The following ADAMTS9 variants were observed in gnomAD, a reference collection of about 807,000 sequenced individuals.
ADAMTS9 encodes ADAM metallopeptidase with thrombospondin type 1 motif 9.
Under a neutral mutation model 257.1 loss-of-function variants are expected in ADAMTS9, and 107 were observed. The ratio of observed to expected loss-of-function variants is 0.42; its 90% confidence interval spans 0.36 to 0.49. The LOEUF (loss-of-function observed/expected upper bound fraction) is 0.49, where lower values mean the gene tolerates loss of function less well. ADAMTS9 is among the 20% of genes least tolerant of loss of function. The probability of loss-of-function intolerance (pLI) is 0.03; values close to 1 mark genes in which losing one functional copy is unlikely to be tolerated. For missense variants in ADAMTS9, 2,353 were observed against 2,469.1 expected, an observed-to-expected ratio of 0.95 and a Z score of 1.00; for synonymous variants, 982 against 880.9, an observed-to-expected ratio of 1.11 and a Z score of -2.03.
chr3:64,566,012 A>G (rs2083536554), intron 29 of ADAMTS9, among the ~76,000 whole-genome samples: 1 of 152,246 alleles, frequency 6.6e-6, no homozygotes, highest in South Asian at 2.1e-4. Flanking sequence ...CCTATATATC[A>G]TATTATCATC....
At chr3:64,655,514 T>C (rs896767879) in intron 6 of ADAMTS9, 62 bp downstream of exon 6, 54 of 1,368,150 alleles carry the variant, frequency 3.9e-5, no homozygotes, top group Non-Finnish European at 2.1e-6. Flanking sequence ...TAGGAATGCA[T>C]GACCACATCC....
chr3:64,573,455 C>T (rs1159747771), intron 28 of ADAMTS9, among the ~76,000 whole-genome samples: 1 of 152,198 alleles, frequency 6.6e-6, no homozygotes, highest in Non-Finnish European at 1.5e-5. Flanking sequence ...TGTCAAGGCT[C>T]TTCTGATCTA....
chr3:64,533,467 C>A (rs1229963263), intron 37 of ADAMTS9, among the ~76,000 whole-genome samples, 197 bp from the exon 38 acceptor site: 1 of 152,200 alleles, frequency 6.6e-6, no homozygotes, highest in African/African-American at 2.4e-5. Context: ...TAGTCATCCT[C>A]GAAAGAGCTC....
At chr3:64,524,218 T>C (rs972390708) in intron 38 of ADAMTS9, among the ~76,000 whole-genome samples, 1 of 152,232 alleles carries the variant, frequency 6.6e-6, no homozygotes, top group Admixed American at 6.5e-5. Context: ...GGAAATCTTT[T>C]TATGTCAAAA....
intron 25 of ADAMTS9, among the ~76,000 whole-genome samples, chr3:64,602,663 G>C (rs563274254): frequency 6.6e-6 from 1 of 152,240 alleles, no homozygotes; most frequent in East Asian, 1.9e-4. Context: ...TGCACCTTTT[G>C]CTGTACCACT....
At chr3:64,561,013 C>A (rs1356557723) in intron 30 of ADAMTS9, among the ~76,000 whole-genome samples, 1 of 151,968 alleles carries the variant, frequency 6.6e-6, no homozygotes, top group Non-Finnish European at 1.5e-5. Context: ...AAAAGCAAGG[C>A]CTGTCCACTT....
intron 28 of ADAMTS9, among the ~76,000 whole-genome samples, chr3:64,572,704 G>A (rs1221982952): frequency 6.6e-6 from 1 of 152,132 alleles, no homozygotes; most frequent in Non-Finnish European, 1.5e-5. Flanking sequence ...GAATAAGAAG[G>A]GGAAGGTAGA....
intron 31 of ADAMTS9, among the ~76,000 whole-genome samples, chr3:64,549,339 GT>G (rs1256270319): frequency 2.0e-5 from 3 of 152,152 alleles, no homozygotes; most frequent in Non-Finnish European, 1.5e-5. Flanking sequence ...TATGACTCAA[GT>G]CCCATAATAA....
At chr3:64,681,022 C>T (rs1166204609) in intron 3 of ADAMTS9, among the ~76,000 whole-genome samples, 179 bp downstream of exon 3, 4 of 152,288 alleles carry the variant, frequency 2.6e-5, no homozygotes, top group East Asian at 1.9e-4. Flanking sequence ...AGGTACTAAA[C>T]CTCTCCTTAG....
intron 28 of ADAMTS9, among the ~76,000 whole-genome samples, chr3:64,593,372 A>G: frequency 6.6e-6 from 1 of 152,198 alleles, no homozygotes; most frequent in Non-Finnish European, 1.5e-5. Context: ...AACATTCTGG[A>G]TATGACTTAA....
intron 3 of ADAMTS9, among the ~76,000 whole-genome samples, chr3:64,671,300 C>T (rs1701479003): frequency 6.6e-6 from 1 of 152,116 alleles, no homozygotes; most frequent in Admixed American, 6.5e-5. Flanking sequence ...ACTATAGAGA[C>T]AGAAAACAGG....
At chr3:64,661,904 T>C (rs1013112766) in intron 3 of ADAMTS9, among the ~76,000 whole-genome samples, 1 of 151,874 alleles carries the variant, frequency 6.6e-6, no homozygotes, top group Non-Finnish European at 1.5e-5. Flanking sequence ...TCTCTATTAG[T>C]TTTCTATTTC....
chr3:64,564,768 C>T lies in ADAMTS9; in HGVS notation c.4525-3017G>A, dbSNP rs533054987. Among the ~76,000 whole-genome samples the T allele has an allele frequency of 3.3e-5, 5 of 151,984 alleles. No homozygotes were observed. In the East Asian group the frequency reaches 9.7e-4, roughly 29 times the overall value. On this transcript the variant is annotated intron_variant, in intron 29 of 39. Transcript: ENST00000498707. The stretch of plus-strand genomic sequence containing the variant: ...TGTCCCATGGGGTACAAAATCACCC[C>T]CATTTGAAAGCTTAGCTCTAGGCTA...
At chr3:64,629,386 T>C (rs1360946437) in intron 16 of ADAMTS9, among the ~76,000 whole-genome samples, 1 of 152,212 alleles carries the variant, frequency 6.6e-6, no homozygotes, top group Non-Finnish European at 1.5e-5. Context: ...TATATGGTCG[T>C]GTATGACCTA....
At chr3:64,591,429 C>T (rs1387788598) in intron 28 of ADAMTS9, among the ~76,000 whole-genome samples, 1 of 150,922 alleles carries the variant, frequency 6.6e-6, no homozygotes, top group Non-Finnish European at 1.5e-5. Context: ...AACAGAGCAA[C>T]ACTCTGTCTC....
At chr3:64,530,102 G>A (rs991537711) in intron 38 of ADAMTS9, among the ~76,000 whole-genome samples, 1 of 151,224 alleles carries the variant, frequency 6.6e-6, no homozygotes, top group Middle Eastern at 3.5e-3. Flanking sequence ...GGGATTATGG[G>A]CACAAGGCAC....
chr3:64,650,047 C>A, intron 9 of ADAMTS9: 1 of 357,374 alleles, frequency 2.8e-6, no homozygotes, highest in Non-Finnish European at 5.0e-6. Flanking sequence ...CAGCAATTAT[C>A]TGTTTATGTT....
At chr3:64,541,779 T>A (rs1360389411) in intron 33 of ADAMTS9, 59 bp downstream of exon 33, 1 of 1,599,364 alleles carries the variant, frequency 6.3e-7, no homozygotes, top group Non-Finnish European at 8.5e-7. Flanking sequence ...GGCAATCAAA[T>A]GAACAAAGAC....
chr3:64,639,655 C>A (rs1450511769), intron 12 of ADAMTS9, among the ~76,000 whole-genome samples: 1 of 152,102 alleles, frequency 6.6e-6, no homozygotes, highest in Non-Finnish European at 1.5e-5. Context: ...TTTGCAATAT[C>A]CATACCCTCA....
Sources: allele counts gnomAD v4.1 joint callset (sites outside exome capture counted in the v4.1 genomes callset), GRCh38; gene constraint gnomAD v4.1.1; transcripts MANE v1.5; gene names NCBI Gene and HGNC (gene_info 2026-07-23, HGNC 2026-07-21).